Variants in ABCD4 observed in about 807,000 individuals in gnomAD.
ABCD4 encodes lysosomal cobalamin transporter ABCD4.
ABCD4 carries 53 observed loss-of-function variants against 86.3 expected under a neutral mutation model. That is an observed-to-expected ratio of 0.61 (90% CI 0.49 to 0.77). The LOEUF is 0.77. Ranked by LOEUF, ABCD4 falls within the 30% of genes least tolerant of loss-of-function variation. ABCD4 has a pLI of 0.00. For missense variants in ABCD4, 757 were observed against 764.5 expected (o/e 0.99, Z 0.12); for synonymous variants, 328 against 313.6 (o/e 1.05, Z -0.49).
intron 17 of ABCD4, among the ~76,000 whole-genome samples, chr14:74,287,316 A>G (rs75593934): frequency 0.065 from 9,847 of 152,228 alleles, 1,082 homozygotes; most frequent in African/African-American, 0.22. Context: ...TGGGAGGCCA[A>G]CGTGGGAGGA....
intron 1 of ABCD4, among the ~76,000 whole-genome samples, chr14:74,301,264 A>G (rs996596937): frequency 6.6e-6 from 1 of 151,162 alleles, no homozygotes; most frequent in Non-Finnish European, 1.5e-5. Flanking sequence ...GGTTCAAGCG[A>G]CTGTCCCACC....
chr14:74,290,683 C>CTTTTTTTT (rs35144250), intron 11 of ABCD4, among the ~76,000 whole-genome samples, 184 bp from the exon 12 acceptor site: 2 of 103,942 alleles, frequency 1.9e-5, no homozygotes, highest in African/African-American at 7.9e-5. Context: ...GAGGCAGGGT[C>CTTTTTTTT]TTTTTTTTTT....
In ABCD4 at chr14:74,300,235, G is replaced by A. The variant is rs1266515130; in HGVS notation, c.72C>T (p.Phe24=). The change falls in exon 2 of 19, where the codon TTC becomes TTT. Residue 24 remains phenylalanine (F), a synonymous_variant. Transcript: ENST00000356924. ...GAAACAAAACCTTCAGTATCTGCAG[G>A]AACCGCTGGAGAAATTGCAGATCTA... ...PRLDLQFLQR[F]LQILKVLFPS... The A allele has an allele frequency of 6.2e-7, 1 of 1,613,580 alleles. No homozygotes were observed. The highest frequency in any genetic ancestry group is 1.3e-5 in the African/African-American group (1 of 74,856).
intron 12 of ABCD4, 78 bp from the exon 13 acceptor site, chr14:74,290,196 C>T: frequency 6.2e-7 from 1 of 1,610,784 alleles, no homozygotes; most frequent in Non-Finnish European, 8.5e-7. Context: ...CCTTGTTCCC[C>T]AACAGAAAAG....
At chr14:74,286,679 C>A (rs779044942) in intron 18 of ABCD4, 22 bp downstream of exon 18, 1 of 1,613,954 alleles carries the variant, frequency 6.2e-7, no homozygotes, top group Non-Finnish European at 8.5e-7. Context: ...CCTCCTCAGG[C>A]CATCCTTGTG....
intron 7 of ABCD4, 50 bp from the exon 8 acceptor site, chr14:74,293,298 G>A (rs558050434): frequency 3.2e-6 from 5 of 1,576,244 alleles, no homozygotes; most frequent in East Asian, 2.2e-5. Flanking sequence ...GTTCAGCCAG[G>A]TTGGGGGGCC....
chr14:74,300,164 C>G lies in ABCD4; in HGVS notation c.143G>C (p.Cys48Ser). 6.2e-7 allele frequency: 1 copy of G among 1,612,260 alleles called. No homozygotes were observed. The highest frequency in any genetic ancestry group is 8.5e-7 in the Non-Finnish European group (1 of 1,179,078). Residue 48 changes from cysteine (C) to serine (S), a missense_variant, in exon 2 of 19, where the codon TGC (cysteine) becomes TCC (serine). Cys to Ser is a moderately radical substitution (Grantham distance 112, BLOSUM62 -1). Coordinates refer to ENST00000356924, the MANE Select transcript of ABCD4 (RefSeq NM_005050.4). ...CACTCACTCACCCAGTAGGGTCAGGCACAAAAGGGTCAGGAACATCAAGGC... is the reference window on the plus strand; with the variant it reads ...CACTCACTCACCCAGTAGGGTCAGGGACAAAAGGGTCAGGAACATCAAGGC... ...QNALMFLTLL[C>S]LTLLEQFVIY...
rs1211958162 is a variant in ABCD4 at position 74,285,455 on chromosome 14, C to T, written c.*1006G>A. 1 of 152,102 alleles carries T rather than the reference C, an allele frequency of 6.6e-6. No individual in the cohort carries two copies. Among genetic ancestry groups the T allele is most frequent in the Non-Finnish European group, 1.5e-5 (1 of 68,026 alleles). 9.4% of individuals were successfully genotyped at this position (152,102 alleles called of 1,614,324 possible). A position where few individuals can be genotyped will look rare whatever the true frequency, so the allele number is the denominator to read the frequency against. On this transcript the variant is annotated 3_prime_UTR_variant, in exon 19 of 19. Coordinates refer to ENST00000356924, the MANE Select transcript of ABCD4 (RefSeq NM_005050.4). ...TCTTGTATTTATTTTTAGTTACTTT[C>T]CATCTATGTTAAGTGTAAAATTTCA...
At chr14:74,295,054 G>C in intron 7 of ABCD4, 94 bp downstream of exon 7, 1 of 1,483,966 alleles carries the variant, frequency 6.7e-7, no homozygotes, top group Non-Finnish European at 9.4e-7. Flanking sequence ...CTCAGCCCCT[G>C]AGCTCGGTGG....
Position 74,292,760 on chromosome 14 carries a change from G to A in ABCD4, c.924C>T (p.Thr308=), listed in dbSNP as rs1566955921. ...GAGGGAGTCTCACCTTGCTGACCAGGGTGCTAAGCTCTGCGGGACTCAGGT... is the reference window on the plus strand; with the variant it reads ...GAGGGAGTCTCACCTTGCTGACCAGAGTGCTAAGCTCTGCGGGACTCAGGT... ...YGDLSPAELS[T]LVSKNAFVCI... is the part of the protein sequence containing the mutation. Residue 308 remains threonine (T), a synonymous_variant, in exon 9 of 19, where the codon ACC becomes ACT. Coordinates refer to ENST00000356924, the MANE Select transcript of ABCD4 (RefSeq NM_005050.4). 1.2e-6 allele frequency: 2 copies of A among 1,613,956 alleles called. No homozygotes were observed. Among genetic ancestry groups the A allele is most frequent in the Non-Finnish European group, 8.5e-7 (1 of 1,179,984 alleles).
At chr14:74,291,593 T>C (rs2081500221) in intron 11 of ABCD4, among the ~76,000 whole-genome samples, 1 of 152,202 alleles carries the variant, frequency 6.6e-6, no homozygotes, top group South Asian at 2.1e-4. Context: ...CTACAGACCC[T>C]CCTTCATGCC....
intron 1 of ABCD4, among the ~76,000 whole-genome samples, chr14:74,301,068 G>C (rs1021121678): frequency 4.6e-5 from 7 of 152,082 alleles, no homozygotes; most frequent in Non-Finnish European, 8.8e-5. Context: ...TGGTCAGGCT[G>C]GTCTCGAACT....
In ABCD4 at chr14:74,300,266, G is replaced by A. The variant is rs997618891; in HGVS notation, c.41C>T (p.Pro14Leu). 11 of 1,606,838 alleles carry A rather than the reference G, an allele frequency of 6.8e-6. No individual in the cohort carries two copies. The Admixed American group carries it at 1.3e-4, about 20-fold the overall frequency. ...CTGGAGAAATTGCAGATCTAACCTG[G>A]GCCTGAAGAGAAGGTGGGGAGGCAG... is the stretch of plus-strand genomic sequence containing the variant. ...AGPAPGAGAR[P>L]RLDLQFLQRF... is the part of the protein sequence containing the mutation. Residue 14 changes from proline (P) to leucine (L), a missense_variant and splice_region_variant, in exon 2 of 19, where the codon CCC (proline) becomes CTC (leucine). Pro to Leu is a moderately conservative substitution (Grantham distance 98). Transcript: ENST00000356924.
intron 15 of ABCD4, chr14:74,288,490 C>A: frequency 1.5e-6 from 1 of 649,948 alleles, no homozygotes; most frequent in South Asian, 1.9e-5. Flanking sequence ...AAAAAGCAAA[C>A]CGCCTTCATC....
chr14:74,296,029 AT>A, intron 5 of ABCD4, 50 bp from the exon 6 acceptor site: 1 of 1,554,656 alleles, frequency 6.4e-7, no homozygotes, highest in Non-Finnish European at 8.7e-7. Flanking sequence ...GGTGCCACCT[AT>A]CCCCACATGC....
At chr14:74,292,441 A>G in intron 10 of ABCD4, 65 bp from the exon 11 acceptor site, 1 of 1,593,142 alleles carries the variant, frequency 6.3e-7, no homozygotes, top group Non-Finnish European at 8.6e-7. Context: ...TCCTTTTCCT[A>G]TCTCACACCC....
At chr14:74,299,985 C>G (rs7152717) in intron 2 of ABCD4, 165 bp downstream of exon 2, 4 of 588,608 alleles carry the variant, frequency 6.8e-6, no homozygotes, top group South Asian at 2.1e-5. Flanking sequence ...ATCACTTGAA[C>G]CAGGGAGGCA....
chr14:74,290,236 C>T (rs2081104303), intron 12 of ABCD4, 55 bp downstream of exon 12: 1 of 1,611,676 alleles, frequency 6.2e-7, no homozygotes, highest in Non-Finnish European at 8.5e-7. Context: ...TCCCCGCCTT[C>T]ACCCCACCCC....
intron 4 of ABCD4, 65 bp downstream of exon 4, chr14:74,297,855 ACCAGCAGTCT>A (rs2140051064): frequency 6.6e-7 from 1 of 1,519,346 alleles, no homozygotes; most frequent in African/African-American, 1.4e-5. Flanking sequence ...GGTGTCTGCC[ACCAGCAGTCT>A]CCAGGGCTAG....
Sources: allele counts gnomAD v4.1 joint callset (sites outside exome capture counted in the v4.1 genomes callset), GRCh38; gene constraint gnomAD v4.1.1; transcripts MANE v1.5; gene names NCBI Gene and HGNC (gene_info 2026-07-23, HGNC 2026-07-21).